The following SUFU variants were observed in gnomAD, a reference collection of about 807,000 sequenced individuals.
SUFU encodes the protein suppressor of fused homolog.
SUFU carries 7 observed loss-of-function variants against 58.9 expected under a neutral mutation model. That is an observed-to-expected ratio of 0.12 (90% CI 0.07 to 0.22). The LOEUF is 0.22. SUFU is among the 10% of genes least tolerant of loss of function. The probability of loss-of-function intolerance (pLI) is 1.00; values close to 1 mark genes in which losing one functional copy is unlikely to be tolerated. For missense variants in SUFU, 451 were observed against 641.3 expected, an observed-to-expected ratio of 0.70 and a Z score of 3.20; for synonymous variants, 232 against 254.8, an observed-to-expected ratio of 0.91 and a Z score of 0.85.
chr10:102,512,089 G>A (rs1383484336), intron 2 of SUFU, among the ~76,000 whole-genome samples: 1 of 152,132 alleles, frequency 6.6e-6, no homozygotes, highest in Non-Finnish European at 1.5e-5. Context: ...CTTCTCTCTT[G>A]TTAAGCTCAG....
chr10:102,599,001 T>C (rs1482304739), intron 7 of SUFU, among the ~76,000 whole-genome samples: 1 of 152,106 alleles, frequency 6.6e-6, no homozygotes, highest in Non-Finnish European at 1.5e-5. Flanking sequence ...GCTAGTTGAC[T>C]ACCCAGAACC....
intron 1 of SUFU, among the ~76,000 whole-genome samples, chr10:102,507,567 T>G (rs1191030860): frequency 6.6e-6 from 1 of 152,258 alleles, no homozygotes; most frequent in Non-Finnish European, 1.5e-5. Flanking sequence ...CTAAGCTATT[T>G]GTAGCAACTT....
chr10:102,621,999 G>A (rs755040941), intron 10 of SUFU, among the ~76,000 whole-genome samples: 16 of 152,196 alleles, frequency 1.1e-4, no homozygotes, highest in Non-Finnish European at 1.8e-4. Flanking sequence ...GAACTTGCTG[G>A]GGCCTGGGGA....
chr10:102,592,472 A>G, intron 3 of SUFU, 110 bp from the exon 4 acceptor site: 1 of 1,248,018 alleles, frequency 8.0e-7, no homozygotes, highest in Middle Eastern at 2.5e-4. Flanking sequence ...CACAGGGGCT[A>G]CCCTAAGAGG....
In SUFU at chr10:102,628,751, C is replaced by T. The variant is rs1311237280; in HGVS notation, c.1366-1315C>T. On this transcript the variant is annotated intron_variant, in intron 11 of 11. Transcript: ENST00000369902. This position sits in a 1 kb window ranked among gnomAD's most constrained non-coding sequence, Gnocchi z 4.5. ...CCAGCAGAGGGAGCGAAGAGGGAGG[C>T]AGCCAGGAAGGGTCAGGCTCGTCTG... is the stretch of plus-strand genomic sequence containing the variant. Among the ~76,000 whole-genome samples, 13 of 152,208 alleles carry T rather than the reference C, an allele frequency of 8.5e-5. No individual in the cohort carries two copies. The highest frequency in any genetic ancestry group is 7.2e-4 in the Admixed American group (11 of 15,272).
At chr10:102,528,930 G>A (rs538489526) in intron 2 of SUFU, among the ~76,000 whole-genome samples, 120 of 150,486 alleles carry the variant, frequency 8.0e-4, no homozygotes, top group African/African-American at 2.8e-3. Context: ...GTATGAGAGT[G>A]CAGTCTTCGC....
Position 102,599,593 on chromosome 10 carries a change from T to C in SUFU, c.1022+49T>C, listed in dbSNP as rs3824756. The C allele has an allele frequency of 0.12, 175,269 of 1,478,350 alleles. 15,297 individuals carry two copies. The highest frequency in any genetic ancestry group is 0.44 in the East Asian group (19,577 of 44,142). The allele number at this position is 1,478,350 out of a possible 1,614,324, so 91.6% of individuals were successfully genotyped here. A position where few individuals can be genotyped will look rare whatever the true frequency, so the allele number is the denominator to read the frequency against. The stretch of plus-strand genomic sequence containing the variant: ...CTGGAACAAGAGGACGACTTTTTTC[T>C]GAAGGGCCTGTCCCTGTGGATTGCA... On this transcript the variant is annotated intron_variant, in intron 8 of 11. Transcript: ENST00000369902.
At position 102,617,156 on chromosome 10, in the gene SUFU, G is replaced by C; in HGVS notation, c.1158-134G>C. 1.8e-6 allele frequency: 2 copies of C among 1,097,520 alleles called. No homozygotes were observed. The highest frequency in any genetic ancestry group is 2.7e-6 in the Non-Finnish European group (2 of 733,248). The allele number at this position is 1,097,520 out of a possible 1,614,324, so 68.0% of individuals were successfully genotyped here. On this transcript the variant is annotated intron_variant, in intron 9 of 11. Coordinates refer to ENST00000369902, the MANE Select transcript of SUFU (RefSeq NM_016169.4). This position sits in a 1 kb window ranked among gnomAD's most constrained non-coding sequence, Gnocchi z 4.4. ...GATACAGTCCCCTGTTGATGGGCAG[G>C]TGGGCAGCCAGGAGGGCATGTTACC...
In SUFU at chr10:102,619,576, ACCG is replaced by A; in HGVS notation, c.1296+2149_1296+2151del. 2.2e-6 allele frequency: 2 copies of A among 920,764 alleles called. No individual in the cohort carries two copies. Among genetic ancestry groups the A allele is most frequent in the Non-Finnish European group, 2.7e-6 (2 of 750,698 alleles). The allele number at this position is 920,764 out of a possible 1,614,324, so 57.0% of individuals were successfully genotyped here. A position where few individuals can be genotyped will look rare whatever the true frequency, so the allele number is the denominator to read the frequency against. On this transcript the variant is annotated intron_variant, in intron 10 of 11. Coordinates refer to ENST00000369902, the MANE Select transcript of SUFU (RefSeq NM_016169.4). The surrounding 1 kb of genome is among the most constrained non-coding windows in gnomAD (Gnocchi z 4.2). ...ACACCCCAAGCACCCACCCTTGATC[ACCG>A]AGGGGTTTCTCAGGCCCTTTCCAAG... is the stretch of plus-strand genomic sequence containing the variant.
At position 102,629,138 on chromosome 10, in the gene SUFU, A is replaced by G. The variant is rs1009433694; in HGVS notation, c.1366-928A>G. ...GCCATTGCACTCCAGCCTGGGCAAC[A>G]AGAGCGAAACTCCGTCTCAAAAGAA... is the stretch of plus-strand genomic sequence containing the variant. On this transcript the variant is annotated intron_variant, in intron 11 of 11. Coordinates refer to ENST00000369902, the MANE Select transcript of SUFU (RefSeq NM_016169.4). The surrounding 1 kb of genome is among the most constrained non-coding windows in gnomAD (Gnocchi z 4.7). 6.6e-6 allele frequency among the ~76,000 whole-genome samples: 1 copy of G among 152,064 alleles called. No individual in the cohort carries two copies. Among genetic ancestry groups the G allele is most frequent in the Non-Finnish European group, 1.5e-5 (1 of 68,004 alleles).
rs565027955 is a variant in SUFU at position 102,630,751 on chromosome 10, G to A, written c.*596G>A. ...TTTTTTAAACAGAACTTCATTCCCCGTTGAACTTTCGCATTCTCTGACAGA... is the reference window on the plus strand; with the variant it reads ...TTTTTTAAACAGAACTTCATTCCCCATTGAACTTTCGCATTCTCTGACAGA... On this transcript the variant is annotated 3_prime_UTR_variant, in exon 12 of 12. Transcript: ENST00000369902. 1.0e-4 allele frequency: 26 copies of A among 250,780 alleles called. No homozygotes were observed. The highest frequency in any genetic ancestry group is 3.5e-4 in the African/African-American group (16 of 45,906). 15.5% of individuals were successfully genotyped at this position (250,780 alleles called of 1,614,324 possible).
chr10:102,579,465 G>A (rs1006621229), intron 3 of SUFU, among the ~76,000 whole-genome samples: 1 of 152,180 alleles, frequency 6.6e-6, no homozygotes, highest in East Asian at 1.9e-4. Context: ...GAGCATCTCT[G>A]CTTATAAAGG....
At chr10:102,503,558 T>G (rs1272979534), upstream of SUFU, among the ~76,000 whole-genome samples, 1 of 152,202 alleles carries the variant, frequency 6.6e-6, no homozygotes, top group Admixed American at 6.5e-5. Context: ...CCTTGAAATT[T>G]CAGGGACCTT....
chr10:102,535,457 A>G (rs1195227923), intron 2 of SUFU, among the ~76,000 whole-genome samples: 2 of 150,460 alleles, frequency 1.3e-5, no homozygotes, highest in Non-Finnish European at 3.0e-5. Flanking sequence ...CTGCACTTCA[A>G]CCTGGTGACA....
Position 102,632,312 on chromosome 10 carries a change from C to T in SUFU, c.*2157C>T, listed in dbSNP as rs181690906. The T allele has an allele frequency of 3.2e-3, 735 of 233,310 alleles. 7 individuals are homozygous for T. Among genetic ancestry groups the T allele is most frequent in the African/African-American group, 0.015 (681 of 45,430 alleles). 14.5% of individuals were successfully genotyped at this position (233,310 alleles called of 1,614,324 possible). On this transcript the variant is annotated 3_prime_UTR_variant, in exon 12 of 12. Transcript: ENST00000369902. ...CCTGTTCTGGGGGAGCAGGGTAAGG[C>T]AGGAGGAAGTGGGTGAGCTCCGAGA... is the stretch of plus-strand genomic sequence containing the variant.
intron 2 of SUFU, among the ~76,000 whole-genome samples, chr10:102,546,136 G>A (rs538890740): frequency 2.0e-5 from 3 of 152,298 alleles, no homozygotes; most frequent in African/African-American, 7.2e-5. Flanking sequence ...CAAGGCATGT[G>A]TTCTTGTCTT....
intron 8 of SUFU, among the ~76,000 whole-genome samples, chr10:102,613,301 C>G (rs774651199): frequency 6.6e-6 from 1 of 152,270 alleles, no homozygotes; most frequent in African/African-American, 2.4e-5. Context: ...AGTTTTAGAG[C>G]TGGCTTTAGG....
chr10:102,587,516 A>G (rs1400434879), intron 3 of SUFU, among the ~76,000 whole-genome samples: 4 of 152,136 alleles, frequency 2.6e-5, no homozygotes, highest in African/African-American at 9.7e-5. Context: ...TTTGAGACGA[A>G]GTCTTGGTCT....
chr10:102,570,919 CT>C, intron 3 of SUFU, among the ~76,000 whole-genome samples: 1 of 152,030 alleles, frequency 6.6e-6, no homozygotes, highest in Non-Finnish European at 1.5e-5. Context: ...TGAATAGCAA[CT>C]GTTTAATTTG....
Sources: gnomAD v4.1 joint callset for allele counts (sites outside exome capture counted in the v4.1 genomes callset) on GRCh38, gnomAD v4.1.1 for gene constraint, Gnocchi (gnomAD v3.1) non-coding constraint, MANE v1.5 for transcripts, NCBI Gene and HGNC (gene_info 2026-07-23, HGNC 2026-07-21) for gene names.